PHEX: variants seen among roughly 807,000 people sequenced by gnomAD.
PHEX encodes phosphate-regulating neutral endopeptidase PHEX.
Under a neutral mutation model 68.0 loss-of-function variants are expected in PHEX, and 16 were observed. That is an observed-to-expected ratio of 0.24 (90% CI 0.16 to 0.36). PHEX has a LOEUF of 0.36. Among genes scored for constraint, PHEX ranks in the 10% least tolerant of loss-of-function variants. The pLI is 1.00. For missense variants in PHEX, 480 were observed against 575.5 expected (o/e 0.83, Z 1.70); for synonymous variants, 208 against 205.1 (o/e 1.01, Z -0.12).
chrX:22,040,961 G>T (rs973954238), intron 2 of PHEX, among the ~76,000 whole-genome samples: 2 of 109,362 alleles, frequency 1.8e-5, no homozygotes, highest in East Asian at 2.9e-4. Context: ...ATTTCTGTAC[G>T]CCAGGTGACA....
intron 21 of PHEX, among the ~76,000 whole-genome samples, chrX:22,245,657 T>C (rs1054770704): frequency 2.1e-4 from 23 of 112,156 alleles, no homozygotes; most frequent in African/African-American, 6.8e-4. Flanking sequence ...CCTGTACATA[T>C]CTAGTCTAGT....
intron 6 of PHEX, among the ~76,000 whole-genome samples, chrX:22,091,571 TC>T (rs1219285442): frequency 1.8e-5 from 2 of 111,921 alleles, no homozygotes; most frequent in Non-Finnish European, 3.8e-5. Context: ...AGTTCTGTTC[TC>T]AAAGCACTGC....
intron 13 of PHEX, among the ~76,000 whole-genome samples, chrX:22,174,860 G>T (rs113122599): frequency 0.18 from 19,847 of 111,388 alleles, 1,683 homozygotes; most frequent in Non-Finnish European, 0.26. Context: ...TATCATGATT[G>T]ATTTAATCAC....
chrX:22,074,801 G>A (rs1929072677), intron 3 of PHEX, among the ~76,000 whole-genome samples: 1 of 111,088 alleles, frequency 9.0e-6, no homozygotes, highest in Non-Finnish European at 1.9e-5. Context: ...CTGGCACGGT[G>A]GCAGTGGCTC....
At chrX:22,063,455 A>G (rs1928462146) in intron 3 of PHEX, among the ~76,000 whole-genome samples, 1 of 112,404 alleles carries the variant, frequency 8.9e-6, no homozygotes, top group East Asian at 2.8e-4. Flanking sequence ...TGTGGAGAAG[A>G]GGAAGTTGGG....
At chrX:22,134,088 C>T (rs141787956) in intron 12 of PHEX, among the ~76,000 whole-genome samples, 21 of 111,993 alleles carry the variant, frequency 1.9e-4, no homozygotes, top group African/African-American at 6.8e-4. Flanking sequence ...TTCCTGTAAC[C>T]AAGCATATCT....
intron 14 of PHEX, among the ~76,000 whole-genome samples, chrX:22,188,322 C>T (rs1187071456): frequency 1.8e-5 from 2 of 111,682 alleles, no homozygotes; most frequent in African/African-American, 6.5e-5. Flanking sequence ...CCTGCCTCAG[C>T]CTCCCAAGTA....
At chrX:22,151,640 C>T (rs1280010620) in intron 12 of PHEX, among the ~76,000 whole-genome samples, 1 of 111,567 alleles carries the variant, frequency 9.0e-6, no homozygotes, top group Admixed American at 9.6e-5. Context: ...GGAATACCAC[C>T]TTCTCTCTGC....
At chrX:22,216,407 A>G (rs747684904) in intron 16 of PHEX, among the ~76,000 whole-genome samples, 1 of 112,137 alleles carries the variant, frequency 8.9e-6, no homozygotes, top group Admixed American at 9.4e-5. Flanking sequence ...TTTTTGGAAG[A>G]CTAGATCTTC....
At chrX:22,088,188 T>C (rs1929705282) in intron 5 of PHEX, among the ~76,000 whole-genome samples, 1 of 111,894 alleles carries the variant, frequency 8.9e-6, no homozygotes, top group Non-Finnish European at 1.9e-5. Flanking sequence ...TATTGTTGAG[T>C]AGTATTCCAT....
At position 22,181,344 on chromosome X, in the gene PHEX, T is replaced by C. The variant is rs1296982671; in HGVS notation, c.1586+2968T>C. Among the ~76,000 whole-genome samples the C allele has an allele frequency of 3.6e-5, 4 of 112,326 alleles. No homozygotes were observed. In the Admixed American group the frequency reaches 3.8e-4, roughly 11 times the overall value. On this transcript the variant is annotated intron_variant, in intron 14 of 21. Coordinates refer to ENST00000379374, the MANE Select transcript of PHEX (RefSeq NM_000444.6). Reference sequence around the variant, plus strand: ...CATTGTAATTTTTGATTTGCATTTCTCTGATAATCATTCATGTTGTGCACC... The same window carrying C: ...CATTGTAATTTTTGATTTGCATTTCCCTGATAATCATTCATGTTGTGCACC...
intron 20 of PHEX, among the ~76,000 whole-genome samples, chrX:22,234,255 G>A (rs949739702): frequency 8.0e-5 from 9 of 112,531 alleles, no homozygotes; most frequent in Non-Finnish European, 1.7e-4. Flanking sequence ...CTCCCAGTCA[G>A]GATACACGGG....
intron 12 of PHEX, among the ~76,000 whole-genome samples, chrX:22,137,757 A>G (rs1474925839): frequency 1.8e-5 from 2 of 111,601 alleles, no homozygotes; most frequent in Non-Finnish European, 3.8e-5. Context: ...CTGCTGCGTG[A>G]AAAGGGTTGG....
rs1926927509 is a variant in PHEX, at chrX:22,034,520, T to A, written c.118+1397T>A. Among the ~76,000 whole-genome samples, 3 of 112,330 alleles carry A rather than the reference T, an allele frequency of 2.7e-5. No homozygotes were observed. The South Asian group carries it at 1.1e-3, about 41-fold the overall frequency. On this transcript the variant is annotated intron_variant, in intron 1 of 21. Transcript: ENST00000379374. Reference sequence around the variant, plus strand: ...TCTCAGGAAATAGTGCCGATGTTTTTAGAGCAAAGTAAAATTCATCAAGCC... The same window carrying A: ...TCTCAGGAAATAGTGCCGATGTTTTAAGAGCAAAGTAAAATTCATCAAGCC...
chrX:22,215,739 C>G (rs1361682276), intron 16 of PHEX, among the ~76,000 whole-genome samples: 1 of 110,957 alleles, frequency 9.0e-6, no homozygotes, highest in African/African-American at 3.3e-5. Flanking sequence ...AGCCCCCCAC[C>G]ACCCTTCCCA....
At chrX:22,143,391 C>G (rs1932548905) in intron 12 of PHEX, among the ~76,000 whole-genome samples, 1 of 112,288 alleles carries the variant, frequency 8.9e-6, no homozygotes, top group Admixed American at 9.5e-5. Flanking sequence ...AAACTACTCA[C>G]ATGTACCCAT....
chrX:22,033,168 A>T (rs1361188984), intron 1 of PHEX, 45 bp downstream of exon 1: 6 of 960,336 alleles, frequency 6.2e-6, no homozygotes, highest in Non-Finnish European at 9.0e-6. Flanking sequence ...GTGTGTCGAG[A>T]AGTTTCCTTG....
chrX:22,065,170 A>G (rs1216876985), intron 3 of PHEX, among the ~76,000 whole-genome samples: 1 of 112,401 alleles, frequency 8.9e-6, no homozygotes, highest in Admixed American at 9.5e-5. Flanking sequence ...CTTTTTTTAA[A>G]ACATTCATGA....
chrX:22,093,800 C>CT (rs1407197939), intron 6 of PHEX, among the ~76,000 whole-genome samples, 183 bp from the exon 7 acceptor site: 1 of 112,096 alleles, frequency 8.9e-6, no homozygotes, highest in Non-Finnish European at 1.9e-5. Context: ...AGCCGTCACT[C>CT]TTTTTTTCTC....
Sources: allele counts gnomAD v4.1 joint callset (sites outside exome capture counted in the v4.1 genomes callset), GRCh38; gene constraint gnomAD v4.1.1; transcripts MANE v1.5; gene names NCBI Gene and HGNC (gene_info 2026-07-23, HGNC 2026-07-21).